Variants in ABCG8 observed in about 807,000 individuals in gnomAD.
ABCG8 encodes the protein ATP-binding cassette sub-family G member 8.
Under a neutral mutation model 71.3 loss-of-function variants are expected in ABCG8, and 81 were observed. That is an observed-to-expected ratio of 1.14 (90% CI 0.95 to 1.37). The LOEUF is 1.37. Among genes scored for constraint, ABCG8 ranks in the 40% most tolerant of loss-of-function variants. The pLI is 0.00. For synonymous variants in ABCG8, 451 were observed against 354.7 expected (o/e 1.27, Z -3.05); for missense variants, 1,119 against 866.2 (o/e 1.29, Z -3.66).
intron 3 of ABCG8, chr2:43,847,274 T>A (rs1668773882): frequency 6.6e-6 from 1 of 152,204 alleles, no homozygotes; most frequent in African/African-American, 2.4e-5. Context: ...ACCCGTCTGG[T>A]AGATAAGTTC....
At position 43,874,389 on chromosome 2, in the gene ABCG8, C is replaced by A; in HGVS notation, c.1412-18C>A. On this transcript the variant is annotated intron_variant, in intron 9 of 12. Transcript: ENST00000272286. ...TATTCTACTTCTTCATTCTCTTTTC[C>A]TTTCCCTTACTTTTTAGGTTACTCA... 6.4e-7 allele frequency: 1 copy of A among 1,563,440 alleles called. No homozygotes were observed. The highest frequency in any genetic ancestry group is 8.8e-7 in the Non-Finnish European group (1 of 1,138,214).
intron 1 of ABCG8, among the ~76,000 whole-genome samples, chr2:43,839,715 C>A (rs1355054740): frequency 6.6e-6 from 1 of 152,098 alleles, no homozygotes; most frequent in Non-Finnish European, 1.5e-5. Context: ...AGCCACCGTG[C>A]CTGGCCAGTT....
rs775189240 is a variant in ABCG8, at chr2:43,873,899, C to T, written c.1324C>T (p.Gln442Ter). The change falls in exon 9 of 13, where the codon CAG becomes TAG. Residue 442 changes from glutamine to a stop codon, truncating the protein, a stop_gained. Coordinates refer to ENST00000272286, the MANE Select transcript of ABCG8 (RefSeq NM_022437.3). LOFTEE classifies it high-confidence loss of function. Reference sequence around the variant, plus strand: ...CCTCTATTTTGGCCATGGGAGCATCCAGCTCTCCTTCATGGATACAGCCGC... The same window carrying T: ...CCTCTATTTTGGCCATGGGAGCATCTAGCTCTCCTTCATGGATACAGCCGC... Reference protein sequence around the residue: ...GFLYFGHGSIQLSFMDTAALL... With the variant: ...GFLYFGHGSI 9 of 1,614,066 alleles carry T rather than the reference C, an allele frequency of 5.6e-6. No individual in the cohort carries two copies. The highest frequency in any genetic ancestry group is 7.6e-6 in the Non-Finnish European group (9 of 1,180,032).
rs1348239796 is a variant in ABCG8 at position 43,874,486 on chromosome 2, G to A, written c.1488+3G>A. 2 of 1,606,670 alleles carry A rather than the reference G, an allele frequency of 1.2e-6. No homozygotes were observed. Among genetic ancestry groups the A allele is most frequent in the African/African-American group, 1.4e-5 (1 of 73,714 alleles). Reference sequence around the variant, plus strand: ...CTGGTCCATATTTCTTTGCCAAGGTGACTGGGCAGGGTTGAGAGCAAGTGC... The same window carrying A: ...CTGGTCCATATTTCTTTGCCAAGGTAACTGGGCAGGGTTGAGAGCAAGTGC... On this transcript the variant is annotated splice_donor_region_variant and intron_variant, in intron 10 of 12. Coordinates refer to ENST00000272286, the MANE Select transcript of ABCG8 (RefSeq NM_022437.3).
chr2:43,875,341 T>C lies in ABCG8; in HGVS notation c.1684T>C (p.Phe562Leu), dbSNP rs1325147624. Residue 562 changes from phenylalanine (F) to leucine (L), a missense_variant, in exon 11 of 13, where the codon TTC becomes CTC. Physicochemically the swap from Phe to Leu is conservative, Grantham distance 22. Transcript: ENST00000272286. ...LLPTFHMASF[F>L]SNALYNSFYL... is the part of the protein sequence containing the mutation. ...CCCCACCTTCCACATGGCCTCCTTC[T>C]TCAGCAATGCCCTCTACAACTCCTT... The C allele has an allele frequency of 1.2e-6, 2 of 1,614,158 alleles. No individual in the cohort carries two copies. Among genetic ancestry groups the C allele is most frequent in the East Asian group, 4.5e-5 (2 of 44,874 alleles).
At chr2:43,858,527 A>C (rs929500349) in intron 6 of ABCG8, among the ~76,000 whole-genome samples, 2 of 151,540 alleles carry the variant, frequency 1.3e-5, no homozygotes, top group African/African-American at 4.8e-5. Context: ...TCTCGATAGA[A>C]TTCTCACCAT....
intron 10 of ABCG8, among the ~76,000 whole-genome samples, 164 bp from the exon 11 acceptor site, chr2:43,874,982 C>T (rs1669909773): frequency 6.6e-6 from 1 of 152,160 alleles, no homozygotes; most frequent in South Asian, 2.1e-4. Context: ...AGGGGGAGGC[C>T]AGCACTGAGC....
chr2:43,882,580 A>T lies in ABCG8; in HGVS notation c.*4667A>T, dbSNP rs1230815367. 1 of 152,256 alleles carries T rather than the reference A, an allele frequency of 6.6e-6. No homozygotes were observed. The highest frequency in any genetic ancestry group is 1.5e-5 in the Non-Finnish European group (1 of 68,044). 9.4% of individuals were successfully genotyped at this position (152,256 alleles called of 1,614,324 possible). The stretch of plus-strand genomic sequence containing the variant: ...TATTTGTGAATAGTCTGCACTAGAT[A>T]ATTCAGATTTCAAGTCATCTGTCAT... On this transcript the variant is annotated 3_prime_UTR_variant, in exon 13 of 13. Transcript: ENST00000272286.
At chr2:43,849,596 C>T (rs1042248420) in intron 3 of ABCG8, among the ~76,000 whole-genome samples, 1 of 152,030 alleles carries the variant, frequency 6.6e-6, no homozygotes, top group East Asian at 1.9e-4. Flanking sequence ...CCCCAGATGC[C>T]ACAGGCATCC....
At chr2:43,845,090 G>A (rs1319010860) in intron 2 of ABCG8, among the ~76,000 whole-genome samples, 2 of 122,068 alleles carry the variant, frequency 1.6e-5, no homozygotes, top group African/African-American at 6.6e-5. Context: ...ATGTGTGTGT[G>A]TGTGTGTGTA....
Position 43,875,396 on chromosome 2 carries a change from T to A in ABCG8, c.1739T>A (p.Leu580Ter). The A allele has an allele frequency of 6.2e-7, 1 of 1,614,056 alleles. No individual in the cohort carries two copies. Among genetic ancestry groups the A allele is most frequent in the Non-Finnish European group, 8.5e-7 (1 of 1,180,014 alleles). Residue 580 changes from leucine (L) to a stop codon, truncating the protein, a stop_gained, in exon 11 of 13, where the codon TTG becomes TAG. Coordinates refer to ENST00000272286, the MANE Select transcript of ABCG8 (RefSeq NM_022437.3). LOFTEE classifies it high-confidence loss of function. Reference protein sequence around the residue: ...FYLAGGFMINLSSLWTVPAWI... With the variant: ...FYLAGGFMIN ...CTCGCCGGGGGCTTCATGATAAACT[T>A]GAGCAGCCTGTGGACAGGTAAGGCC... is the stretch of plus-strand genomic sequence containing the variant.
rs1211101138 is a variant in ABCG8, at chr2:43,846,296, A to G, written c.307A>G (p.Ile103Val). Residue 103 changes from isoleucine to valine, a missense_variant, in exon 3 of 13, where the codon ATC (isoleucine) becomes GTC (valine). Physicochemically the swap from Ile to Val is conservative, Grantham distance 29. Transcript: ENST00000272286. ...AGTGAGAAGTGGGCAGATGCTGGCC[A>G]TCATAGGGAGCTCAGGTACCGGAAA... ...FKVRSGQMLAIIGSSGCGRAS... is the reference protein window; with the variant it reads ...FKVRSGQMLAVIGSSGCGRAS... 1.9e-6 allele frequency: 3 copies of G among 1,614,072 alleles called. No homozygotes were observed. The highest frequency in any genetic ancestry group is 1.3e-5 in the African/African-American group (1 of 74,922).
Position 43,875,119 on chromosome 2 carries a change from T to C in ABCG8, c.1489-27T>C, listed in dbSNP as rs200753427. On this transcript the variant is annotated intron_variant, in intron 10 of 12. Transcript: ENST00000272286. ...AATGGCAGTGAAGGTGCTGGCTTCA[T>C]ATCCTTGCAAGGGCTGTTCTTTGCA... The C allele has an allele frequency of 3.7e-6, 6 of 1,614,172 alleles. No individual in the cohort carries two copies. In the African/African-American group the frequency reaches 6.7e-5, roughly 18 times the overall value.
intron 8 of ABCG8, among the ~76,000 whole-genome samples, 188 bp downstream of exon 8, chr2:43,872,494 C>T (rs187889863): frequency 1.6e-3 from 250 of 152,166 alleles, no homozygotes; most frequent in Non-Finnish European, 2.7e-3. Flanking sequence ...GGCTGTGGTG[C>T]GTGGATCACT....
intron 1 of ABCG8, among the ~76,000 whole-genome samples, chr2:43,841,202 C>T (rs66900043): frequency 3.3e-5 from 5 of 152,238 alleles, no homozygotes; most frequent in African/African-American, 4.8e-5. Flanking sequence ...ATAGGCTCCT[C>T]ATCTCAGAAC....
chr2:43,855,812 T>C (rs539448790), intron 6 of ABCG8, among the ~76,000 whole-genome samples: 1 of 151,678 alleles, frequency 6.6e-6, no homozygotes, highest in African/African-American at 2.4e-5. Context: ...CTGGATGGGA[T>C]TCTCCCTCTA....
At chr2:43,843,121 T>A (rs1245136721) in intron 1 of ABCG8, among the ~76,000 whole-genome samples, 1 of 152,220 alleles carries the variant, frequency 6.6e-6, no homozygotes, top group South Asian at 2.1e-4. Context: ...ATGCTTGAGG[T>A]CAGCCTCCCT....
rs372660816 is a variant in ABCG8, at chr2:43,871,985, C to T, written c.974C>T (p.Thr325Ile). ...CATCCCCTGCTTGCAGTGGACCTGACCAGCATTGACAGGCGCAGCAGAGAG... is the reference window on the plus strand; with the variant it reads ...CATCCCCTGCTTGCAGTGGACCTGATCAGCATTGACAGGCGCAGCAGAGAG... ...SNPADFYVDL[T>I]SIDRRSREQE... Residue 325 changes from threonine to isoleucine, a missense_variant, in exon 7 of 13, where the codon ACC becomes ATC. By Grantham distance (89) the Thr-to-Ile change is moderately conservative. Transcript: ENST00000272286. 6.2e-7 allele frequency: 1 copy of T among 1,614,042 alleles called. No individual in the cohort carries two copies. The highest frequency in any genetic ancestry group is 1.1e-5 in the South Asian group (1 of 91,088).
intron 2 of ABCG8, among the ~76,000 whole-genome samples, chr2:43,845,631 T>G (rs1040188686): frequency 1.3e-5 from 2 of 151,214 alleles, no homozygotes; most frequent in Non-Finnish European, 3.0e-5. Context: ...TTTCCTTACT[T>G]TTTTTTTTGA....
Sources: allele counts gnomAD v4.1 joint callset (sites outside exome capture counted in the v4.1 genomes callset), GRCh38; gene constraint gnomAD v4.1.1; transcripts MANE v1.5; gene names NCBI Gene and HGNC (gene_info 2026-07-23, HGNC 2026-07-21).